The following UBE2O variants were observed in gnomAD, a reference collection of about 807,000 sequenced individuals.
The protein encoded by UBE2O is (E3-independent) E2 ubiquitin-conjugating enzyme.
In UBE2O, 15 loss-of-function variants were observed where a neutral mutation model predicts 125.8. The ratio of observed to expected loss-of-function variants is 0.12; its 90% confidence interval spans 0.08 to 0.18. The LOEUF (loss-of-function observed/expected upper bound fraction) is 0.18, where lower values mean the gene tolerates loss of function less well. Ranked by LOEUF, UBE2O falls within the 10% of genes least tolerant of loss-of-function variation. The pLI is 1.00. For synonymous variants in UBE2O, 708 were observed against 703.2 expected, an observed-to-expected ratio of 1.01 and a Z score of -0.11; for missense variants, 1,280 against 1,723.6, an observed-to-expected ratio of 0.74 and a Z score of 4.56.
chr17:76,396,314 C>G lies in UBE2O; in HGVS notation c.2623G>C (p.Glu875Gln). Residue 875 changes from glutamate (E) to glutamine (Q), a missense_variant, in exon 14 of 18, where the codon GAG becomes CAG. Glu to Gln is a conservative substitution (Grantham distance 29). Around this residue, in one of 10 missense-constraint regions of UBE2O, gnomAD observed 116 missense variants for 154.8 expected, o/e 0.75. Coordinates refer to ENST00000319380, the MANE Select transcript of UBE2O (RefSeq NM_022066.4). The surrounding 1 kb of genome is among the most constrained non-coding windows in gnomAD (Gnocchi z 6.7). ...KKTLDNVAIVEEEKMEAVPDV... is the reference protein window; with the variant it reads ...KKTLDNVAIVQEEKMEAVPDV... The stretch of plus-strand genomic sequence containing the variant: ...GGCACTGCTTCCATCTTCTCCTCCT[C>G]TACAATGGCCACATTGTCCAGGGTC... 6.2e-7 allele frequency: 1 copy of G among 1,614,232 alleles called. No homozygotes were observed. Among genetic ancestry groups the G allele is most frequent in the Non-Finnish European group, 8.5e-7 (1 of 1,180,038 alleles).
chr17:76,406,296 C>G (rs926504709), intron 1 of UBE2O, among the ~76,000 whole-genome samples: 2 of 152,194 alleles, frequency 1.3e-5, no homozygotes, highest in African/African-American at 2.4e-5. Context: ...ACCAGGCCAG[C>G]CTGCGTCTTT....
chr17:76,451,043 GAAC>G (rs1417668185), intron 1 of UBE2O, among the ~76,000 whole-genome samples: 1 of 152,334 alleles, frequency 6.6e-6, no homozygotes, highest in African/African-American at 2.4e-5. Context: ...AGACGGACGG[GAAC>G]AACAACTGAT....
chr17:76,394,937 G>A (rs2072179047), intron 15 of UBE2O, among the ~76,000 whole-genome samples: 1 of 151,434 alleles, frequency 6.6e-6, no homozygotes, highest in Admixed American at 6.6e-5. Context: ...GTGCAATGGT[G>A]CGATCTTGGC....
At chr17:76,433,157 T>A (rs1387641955) in intron 1 of UBE2O, among the ~76,000 whole-genome samples, 1 of 151,762 alleles carries the variant, frequency 6.6e-6, no homozygotes, top group East Asian at 1.9e-4. Context: ...GCAGCATTAT[T>A]CAGAATAGCC....
At chr17:76,411,834 T>G (rs2072522134) in intron 1 of UBE2O, among the ~76,000 whole-genome samples, 1 of 152,100 alleles carries the variant, frequency 6.6e-6, no homozygotes, top group Non-Finnish European at 1.5e-5. Flanking sequence ...TACAGGCACA[T>G]GCCACCACCC....
chr17:76,441,989 C>G (rs533373640), intron 1 of UBE2O, among the ~76,000 whole-genome samples: 8 of 152,194 alleles, frequency 5.3e-5, no homozygotes, highest in Non-Finnish European at 1.2e-4. Flanking sequence ...GAGCCTCGTT[C>G]GTACTTAGCC....
chr17:76,430,936 C>G, intron 1 of UBE2O: 1 of 380,746 alleles, frequency 2.6e-6, no homozygotes, highest in South Asian at 2.1e-5. Flanking sequence ...CAGTTCTGTA[C>G]ATCTGCCTAG....
At chr17:76,422,614 G>C (rs1303057846) in intron 1 of UBE2O, among the ~76,000 whole-genome samples, 1 of 152,186 alleles carries the variant, frequency 6.6e-6, no homozygotes, top group African/African-American at 2.4e-5. Flanking sequence ...GGCTTGGGGA[G>C]GTGTGGCCAC....
chr17:76,429,860 G>A (rs191374935), intron 1 of UBE2O, among the ~76,000 whole-genome samples: 56 of 152,256 alleles, frequency 3.7e-4, no homozygotes, highest in Non-Finnish European at 7.5e-4. Flanking sequence ...GCGTTACCCT[G>A]CCCCTTGCTC....
intron 1 of UBE2O, among the ~76,000 whole-genome samples, chr17:76,449,189 A>G (rs2073195890): frequency 6.6e-6 from 1 of 152,246 alleles, no homozygotes; most frequent in Non-Finnish European, 1.5e-5. Flanking sequence ...ACTAAGATTA[A>G]GCCTTTACTC....
chr17:76,397,267 G>A (rs1011642422), intron 13 of UBE2O, among the ~76,000 whole-genome samples: 10 of 152,210 alleles, frequency 6.6e-5, no homozygotes, highest in South Asian at 6.2e-4. Context: ...TGGAATGGCC[G>A]TTAAGGTGAT....
intron 1 of UBE2O, among the ~76,000 whole-genome samples, chr17:76,422,890 G>A (rs758055414): frequency 6.6e-6 from 1 of 152,198 alleles, no homozygotes; most frequent in Non-Finnish European, 1.5e-5. Flanking sequence ...AACACAGAAG[G>A]GTGCCTCTGA....
Position 76,424,207 on chromosome 17 carries a change from C to CTTTTTT in UBE2O, c.418-18641_418-18636dup, listed in dbSNP as rs569775028. Among the ~76,000 whole-genome samples the CTTTTTT allele has an allele frequency of 3.8e-5, 4 of 105,286 alleles. 1 individual carries two copies. Among genetic ancestry groups the CTTTTTT allele is most frequent in the Non-Finnish European group, 7.5e-5 (4 of 53,570 alleles). 69.1% of individuals were successfully genotyped at this position (105,286 alleles called of 152,430 possible). On this transcript the variant is annotated intron_variant, in intron 1 of 17. Coordinates refer to ENST00000319380, the MANE Select transcript of UBE2O (RefSeq NM_022066.4). ...ACAGGCGTGAGCCACCGCGCCCGGCCTTTTTTTTTTTTTTTTTTGAGACAG... is the reference window on the plus strand; with the variant it reads ...ACAGGCGTGAGCCACCGCGCCCGGCCTTTTTTTTTTTTTTTTTTTTTTTTGAGACAG...
intron 1 of UBE2O, among the ~76,000 whole-genome samples, chr17:76,419,721 A>G (rs534073844): frequency 2.3e-4 from 35 of 152,344 alleles, no homozygotes; most frequent in Non-Finnish European, 4.1e-4. Context: ...GCCAGCACGC[A>G]TCCTTGGGAA....
At chr17:76,448,788 G>A (rs1243532926) in intron 1 of UBE2O, among the ~76,000 whole-genome samples, 1 of 152,268 alleles carries the variant, frequency 6.6e-6, no homozygotes, top group Non-Finnish European at 1.5e-5. Context: ...ACCACGTCTA[G>A]CCAGTGCTCA....
chr17:76,433,757 G>A (rs1166968920), intron 1 of UBE2O, among the ~76,000 whole-genome samples: 1 of 151,924 alleles, frequency 6.6e-6, no homozygotes, highest in African/African-American at 2.4e-5. Flanking sequence ...GGCCAGTGCG[G>A]TGGCCTGTAA....
Position 76,410,087 on chromosome 17 carries a change from C to T in UBE2O, c.418-4515G>A, listed in dbSNP as rs975172048. On this transcript the variant is annotated intron_variant, in intron 1 of 17. Transcript: ENST00000319380. The surrounding 1 kb of genome is among the most constrained non-coding windows in gnomAD (Gnocchi z 4.0). ...GCTGGGTGGGGTGACTGGCACAGGC[C>T]GGCAAGGCTTCAAGAAGGCAGAAGG... 2.0e-5 allele frequency among the ~76,000 whole-genome samples: 3 copies of T among 151,940 alleles called. No individual in the cohort carries two copies. The highest frequency in any genetic ancestry group is 1.9e-4 in the East Asian group (1 of 5,174).
intron 1 of UBE2O, among the ~76,000 whole-genome samples, chr17:76,437,519 A>C (rs28507667): frequency 0.035 from 5,347 of 152,150 alleles, 126 homozygotes; most frequent in Non-Finnish European, 0.052. Flanking sequence ...CCTGGATTGG[A>C]TCCTGGAAAA....
rs2073266809 is a variant in UBE2O, at chr17:76,452,452, G to A, written c.417+273C>T. 1.3e-5 allele frequency among the ~76,000 whole-genome samples: 2 copies of A among 152,176 alleles called. 1 individual carries two copies. Among genetic ancestry groups the A allele is most frequent in the African/African-American group, 4.8e-5 (2 of 41,458 alleles). Reference sequence around the variant, plus strand: ...TCGGTCCACGTCTCTAAATCTCGAGGCCGACACCACAGCATAACATGTCTT... The same window carrying A: ...TCGGTCCACGTCTCTAAATCTCGAGACCGACACCACAGCATAACATGTCTT... On this transcript the variant is annotated intron_variant, in intron 1 of 17. Coordinates refer to ENST00000319380, the MANE Select transcript of UBE2O (RefSeq NM_022066.4). The surrounding 1 kb of genome is among the most constrained non-coding windows in gnomAD (Gnocchi z 4.4).
Sources: allele counts gnomAD v4.1 joint callset (sites outside exome capture counted in the v4.1 genomes callset), GRCh38; gene constraint gnomAD v4.1.1; regional missense constraint gnomAD v4.1.1; non-coding constraint Gnocchi (gnomAD v3.1); transcripts MANE v1.5; gene names NCBI Gene and HGNC (gene_info 2026-07-23, HGNC 2026-07-21).